The following CPS1 variants were observed in gnomAD, a reference collection of about 807,000 sequenced individuals.
The protein encoded by CPS1 is carbamoyl-phosphate synthase 1.
Under a neutral mutation model 174.6 loss-of-function variants are expected in CPS1, and 109 were observed. That is an observed-to-expected ratio of 0.62 (90% CI 0.53 to 0.73). The LOEUF is 0.73. CPS1 is among the 30% of genes least tolerant of loss of function. The pLI is 0.00. For synonymous variants in CPS1, 637 were observed against 632.0 expected, an observed-to-expected ratio of 1.01 and a Z score of -0.12; for missense variants, 1,689 against 1,821.9, an observed-to-expected ratio of 0.93 and a Z score of 1.33.
chr2:210,546,556 T>G (rs1323540655), intron 1 of CPS1, among the ~76,000 whole-genome samples: 2 of 152,078 alleles, frequency 1.3e-5, no homozygotes, highest in Admixed American at 1.3e-4. Context: ...CTTTGAAGGA[T>G]TGATAGGATA....
At chr2:210,613,555 CAT>C (rs1574593841) in intron 20 of CPS1, among the ~76,000 whole-genome samples, 2 of 150,644 alleles carry the variant, frequency 1.3e-5, no homozygotes, top group South Asian at 2.1e-4. Flanking sequence ...TCATGACATT[CAT>C]ATGTGTGTGT....
At chr2:210,498,606 GT>G in intron 1 of CPS1, among the ~76,000 whole-genome samples, 1 of 152,264 alleles carries the variant, frequency 6.6e-6, no homozygotes, top group East Asian at 1.9e-4. Context: ...AAGAGAGACA[GT>G]TTGACATCTT....
At chr2:210,525,084 C>G (rs900607442) in intron 1 of CPS1, among the ~76,000 whole-genome samples, 20 of 151,846 alleles carry the variant, frequency 1.3e-4, no homozygotes, top group Non-Finnish European at 2.7e-4. Flanking sequence ...AGTCTCTTGT[C>G]ATCATCAGTC....
At position 210,606,889 on chromosome 2, in the gene CPS1, G is replaced by T. The variant is rs1337182136; in HGVS notation, c.2140G>T (p.Glu714Ter). 3.7e-6 allele frequency: 6 copies of T among 1,612,610 alleles called. No individual in the cohort carries two copies. Among genetic ancestry groups the T allele is most frequent in the Non-Finnish European group, 3.4e-6 (4 of 1,179,092 alleles). Residue 714 changes from glutamate to a stop codon, truncating the protein, a stop_gained, in exon 18 of 38, where the codon GAA becomes TAA. Coordinates refer to ENST00000233072, the MANE Select transcript of CPS1 (RefSeq NM_001875.5). LOFTEE classifies it high-confidence loss of function. ...TACCTCAATGGAATACTGCATCATT[G>T]AAGTGAATGCCAGACTGTCCCGAAG... ...HPTSMEYCII[E>*]VNARLSRSSA...
intron 1 of CPS1, among the ~76,000 whole-genome samples, chr2:210,491,745 C>G (rs111384508): frequency 2.2e-3 from 337 of 152,304 alleles, no homozygotes; most frequent in Non-Finnish European, 3.6e-3. Flanking sequence ...ACAGATCTGT[C>G]AGCCCTGGTG....
chr2:210,630,814 T>C (rs1699842189), intron 21 of CPS1, among the ~76,000 whole-genome samples: 1 of 152,188 alleles, frequency 6.6e-6, no homozygotes, highest in Non-Finnish European at 1.5e-5. Flanking sequence ...AGGTGACAAA[T>C]AATTTCTCCA....
Position 210,592,836 on chromosome 2 carries a change from C to G in CPS1, c.1087-43C>G, listed in dbSNP as rs144478691. ...ATAATACATAGCCACACTTGACATTCATTGTTACAGAAGGAATTTCTTCCT... is the reference window on the plus strand; with the variant it reads ...ATAATACATAGCCACACTTGACATTGATTGTTACAGAAGGAATTTCTTCCT... On this transcript the variant is annotated intron_variant, in intron 10 of 37. Transcript: ENST00000233072. The G allele has an allele frequency of 2.6e-6, 4 of 1,538,626 alleles. No individual in the cohort carries two copies. In the Admixed American group the frequency reaches 5.0e-5, roughly 19 times the overall value.
intron 9 of CPS1, 135 bp downstream of exon 9, chr2:210,591,041 A>T (rs904521305): frequency 6.2e-5 from 16 of 257,874 alleles, no homozygotes; most frequent in Non-Finnish European, 9.4e-5. Flanking sequence ...AAGTATAATA[A>T]AAATAAATAA....
At chr2:210,524,326 C>A (rs1159937540) in intron 1 of CPS1, among the ~76,000 whole-genome samples, 3 of 151,866 alleles carry the variant, frequency 2.0e-5, no homozygotes, top group African/African-American at 7.3e-5. Context: ...AACCAAAGGG[C>A]AATTTATTTA....
intron 1 of CPS1, among the ~76,000 whole-genome samples, chr2:210,479,802 A>G (rs746937722): frequency 1.3e-5 from 2 of 152,214 alleles, no homozygotes; most frequent in African/African-American, 2.4e-5. Context: ...ATTTAGGATG[A>G]TTTTTTAAAA....
intron 21 of CPS1, among the ~76,000 whole-genome samples, chr2:210,632,863 T>G (rs1699912338): frequency 6.6e-6 from 1 of 152,264 alleles, no homozygotes; most frequent in African/African-American, 2.4e-5. Flanking sequence ...TAGATGAACA[T>G]GAATGTACTA....
upstream of CPS1, among the ~76,000 whole-genome samples, chr2:210,555,889 C>T (rs970445759): frequency 6.6e-6 from 1 of 151,834 alleles, no homozygotes; most frequent in Non-Finnish European, 1.5e-5. Context: ...ATTTTAATAA[C>T]TAAAAAAACT....
In CPS1 at chr2:210,663,213, T is replaced by A. The variant is rs1250298309; in HGVS notation, c.4002+16T>A. The stretch of plus-strand genomic sequence containing the variant: ...CACTGGAGAGGTAACTAGTTAATAA[T>A]CCATGGAAGCTTTCATTAAATCTAC... On this transcript the variant is annotated intron_variant, in intron 33 of 37. Transcript: ENST00000233072. The A allele has an allele frequency of 6.2e-7, 1 of 1,602,392 alleles. No individual in the cohort carries two copies. Among genetic ancestry groups the A allele is most frequent in the East Asian group, 2.2e-5 (1 of 44,788 alleles).
At chr2:210,538,444 A>C (rs1696315879) in intron 1 of CPS1, among the ~76,000 whole-genome samples, 1 of 152,046 alleles carries the variant, frequency 6.6e-6, no homozygotes, top group African/African-American at 2.4e-5. Flanking sequence ...AGCTAAACTT[A>C]TTTAATATAT....
chr2:210,598,732 C>G (rs1698595011), intron 13 of CPS1, among the ~76,000 whole-genome samples: 1 of 151,800 alleles, frequency 6.6e-6, no homozygotes, highest in Non-Finnish European at 1.5e-5. Flanking sequence ...TAGAGACCTG[C>G]AAAGAGACTT....
At chr2:210,557,484 A>G (rs1696951177) in intron 1 of CPS1, among the ~76,000 whole-genome samples, 1 of 151,994 alleles carries the variant, frequency 6.6e-6, no homozygotes, top group African/African-American at 2.4e-5. Flanking sequence ...CTCCACAGGT[A>G]TCTATAATTG....
intron 4 of CPS1, among the ~76,000 whole-genome samples, chr2:210,577,714 C>T (rs1252120253): frequency 6.6e-6 from 1 of 152,136 alleles, no homozygotes; most frequent in Non-Finnish European, 1.5e-5. Flanking sequence ...TCAGTTTATC[C>T]ACTAGGTGGC....
chr2:210,654,656 TA>T (rs959970997), intron 29 of CPS1, among the ~76,000 whole-genome samples: 2 of 152,202 alleles, frequency 1.3e-5, no homozygotes, highest in African/African-American at 4.8e-5. Context: ...AAGAATATTT[TA>T]CTTTAGTTTT....
intron 21 of CPS1, among the ~76,000 whole-genome samples, chr2:210,622,005 A>T (rs183999638): frequency 6.6e-6 from 1 of 151,972 alleles, no homozygotes; most frequent in Non-Finnish European, 1.5e-5. Flanking sequence ...TTTCCTCTAC[A>T]TCACATACTA....
Sources: gnomAD v4.1 joint callset for allele counts (sites outside exome capture counted in the v4.1 genomes callset) on GRCh38, gnomAD v4.1.1 for gene constraint, MANE v1.5 for transcripts, NCBI Gene and HGNC (gene_info 2026-07-23, HGNC 2026-07-21) for gene names.